Variants in STK31 observed in about 807,000 individuals in gnomAD.
The protein encoded by STK31 is serine/threonine kinase 31.
In STK31, 89 loss-of-function variants were observed where a neutral mutation model predicts 129.7. That is an observed-to-expected ratio of 0.69 (90% CI 0.58 to 0.82). The LOEUF (loss-of-function observed/expected upper bound fraction) is 0.82, where lower values mean the gene tolerates loss of function less well. Ranked by LOEUF, STK31 falls within the 40% of genes least tolerant of loss-of-function variation. STK31 has a pLI of 0.00. For synonymous variants in STK31, 448 were observed against 395.3 expected, an observed-to-expected ratio of 1.13 and a Z score of -1.58; for missense variants, 1,187 against 1,176.4, an observed-to-expected ratio of 1.01 and a Z score of -0.13.
rs1399398439 is a variant in STK31 at position 23,771,095 on chromosome 7, G to A, written c.1804G>A (p.Val602Ile). The stretch of plus-strand genomic sequence containing the variant: ...TTCAGAGGAAAGGCTCATTGCCACA[G>A]TACAAGCTAAGTACAAGGACAGTAT... The part of the protein sequence containing the change: ...IHSEERLIAT[V>I]QAKYKDSIEF... The change falls in exon 14 of 24, where the codon GTA (valine) becomes ATA (isoleucine). Residue 602 changes from valine (V) to isoleucine (I), a missense_variant. By Grantham distance (29) the Val-to-Ile change is conservative (BLOSUM62 3). Coordinates refer to ENST00000355870, the MANE Select transcript of STK31 (RefSeq NM_031414.5). 2 of 1,612,404 alleles carry A rather than the reference G, an allele frequency of 1.2e-6. No homozygotes were observed. The highest frequency in any genetic ancestry group is 1.3e-5 in the African/African-American group (1 of 74,858).
intron 22 of STK31, among the ~76,000 whole-genome samples, chr7:23,803,005 T>C (rs911394922): frequency 1.3e-5 from 2 of 152,254 alleles, no homozygotes; most frequent in Non-Finnish European, 2.9e-5. Context: ...TTTGTTATTT[T>C]GGGCTTACAG....
At chr7:23,721,155 CATTATT>C (rs1562546633) in intron 4 of STK31, among the ~76,000 whole-genome samples, 1 of 152,286 alleles carries the variant, frequency 6.6e-6, no homozygotes, top group African/African-American at 2.4e-5. Flanking sequence ...GATTCTTTTA[CATTATT>C]ATTGTTACTG....
intron 10 of STK31, chr7:23,755,102 T>C (rs915487609): frequency 6.6e-6 from 1 of 152,212 alleles, no homozygotes; most frequent in Non-Finnish European, 1.5e-5. Flanking sequence ...TTGAACTAAT[T>C]TACGTTCCCA....
intron 23 of STK31, among the ~76,000 whole-genome samples, chr7:23,831,107 T>C (rs1794517621): frequency 6.6e-6 from 1 of 152,226 alleles, no homozygotes; most frequent in African/African-American, 2.4e-5. Context: ...ATTCTGTTGC[T>C]GTTGGGTAAA....
intron 8 of STK31, among the ~76,000 whole-genome samples, chr7:23,747,873 G>T (rs1788457944): frequency 1.3e-5 from 2 of 151,846 alleles, no homozygotes; most frequent in South Asian, 4.1e-4. Flanking sequence ...TATTAGCCTG[G>T]TTATAGTGTT....
intron 9 of STK31, 116 bp from the exon 10 acceptor site, chr7:23,754,199 T>G (rs1788904601): frequency 1.0e-6 from 1 of 990,062 alleles, no homozygotes; most frequent in Non-Finnish European, 1.4e-6. Flanking sequence ...AAGGTACCCC[T>G]TCAAAGCCAG....
rs7800509 is a variant in STK31 at position 23,804,013 on chromosome 7, G to C, written c.2761-11131G>C. 3.7e-3 allele frequency among the ~76,000 whole-genome samples: 558 copies of C among 152,298 alleles called. 4 individuals carry two copies. Among genetic ancestry groups the C allele is most frequent in the African/African-American group, 0.013 (539 of 41,570 alleles). On this transcript the variant is annotated intron_variant, in intron 22 of 23. Coordinates refer to ENST00000355870, the MANE Select transcript of STK31 (RefSeq NM_031414.5). ...GAAAAAGAATTGTGTTTCTGTGTGTGTTGAGGAGTACTGCTGTGAAGAAGT... is the reference window on the plus strand; with the variant it reads ...GAAAAAGAATTGTGTTTCTGTGTGTCTTGAGGAGTACTGCTGTGAAGAAGT...
chr7:23,827,402 T>A (rs6461742), intron 23 of STK31, among the ~76,000 whole-genome samples: 4 of 151,864 alleles, frequency 2.6e-5, no homozygotes, highest in Admixed American at 6.6e-5. Flanking sequence ...TTACTGAGTC[T>A]TGTGCATTCG....
At chr7:23,787,776 A>G (rs1002451356) in intron 20 of STK31, among the ~76,000 whole-genome samples, 4 of 149,822 alleles carry the variant, frequency 2.7e-5, no homozygotes, top group Non-Finnish European at 5.9e-5. Flanking sequence ...ACACACACAC[A>G]CACACAAACA....
intron 11 of STK31, among the ~76,000 whole-genome samples, chr7:23,766,913 A>G (rs990517804): frequency 1.4e-4 from 21 of 152,162 alleles, no homozygotes; most frequent in African/African-American, 4.3e-4. Context: ...AATAAATACA[A>G]TCTTTTTATC....
chr7:23,803,754 A>C (rs1228016140), intron 22 of STK31, among the ~76,000 whole-genome samples: 1 of 152,156 alleles, frequency 6.6e-6, no homozygotes, highest in African/African-American at 2.4e-5. Context: ...GCCCTTAAGT[A>C]GGCCCCGTGT....
intron 11 of STK31, among the ~76,000 whole-genome samples, chr7:23,765,018 C>T (rs1456867225): frequency 6.6e-6 from 1 of 151,570 alleles, no homozygotes; most frequent in African/African-American, 2.4e-5. Flanking sequence ...TTTTGGTTAA[C>T]ACTGCAACAT....
At chr7:23,831,420 A>T (rs1310895822) in intron 23 of STK31, among the ~76,000 whole-genome samples, 2 of 152,142 alleles carry the variant, frequency 1.3e-5, no homozygotes, top group African/African-American at 4.8e-5. Context: ...ATACAAGTAT[A>T]GTTACACCTG....
At chr7:23,813,078 C>CT (rs70956924) in intron 22 of STK31, among the ~76,000 whole-genome samples, 36,711 of 93,880 alleles carry the variant, frequency 0.39, 7,373 homozygotes, top group Admixed American at 0.44. Flanking sequence ...GCTCTCTGTT[C>CT]TTTTTTTTTT....
Position 23,741,591 on chromosome 7 carries a change from C to A in STK31, c.1017+4513C>A, listed in dbSNP as rs546107094. ...AGGGACACAGGTAACAAAGAGACTC[C>A]TTTGTTCCAGAGCAGGTGCCCCAGT... On this transcript the variant is annotated intron_variant, in intron 8 of 23. Transcript: ENST00000355870. 5.3e-5 allele frequency among the ~76,000 whole-genome samples: 8 copies of A among 152,246 alleles called. No individual in the cohort carries two copies. In the South Asian group the frequency reaches 1.7e-3, roughly 32 times the overall value.
intron 10 of STK31, among the ~76,000 whole-genome samples, chr7:23,759,817 T>C (rs1789345324): frequency 6.6e-6 from 1 of 152,204 alleles, no homozygotes; most frequent in Non-Finnish European, 1.5e-5. Flanking sequence ...TGTGGACTCT[T>C]GTAACTAAAC....
At chr7:23,733,993 T>C (rs996701195) in intron 6 of STK31, among the ~76,000 whole-genome samples, 1 of 152,180 alleles carries the variant, frequency 6.6e-6, no homozygotes, top group Non-Finnish European at 1.5e-5. Context: ...CCCTCTATAC[T>C]ACTGTGTAGT....
intron 23 of STK31, among the ~76,000 whole-genome samples, chr7:23,819,926 C>G (rs929133420): frequency 6.6e-6 from 1 of 152,114 alleles, no homozygotes; most frequent in East Asian, 1.9e-4. Flanking sequence ...AGAGTGATCA[C>G]TTAAAAACCA....
At chr7:23,786,796 G>T (rs1791310690) in intron 19 of STK31, 42 bp from the exon 20 acceptor site, 1 of 1,585,170 alleles carries the variant, frequency 6.3e-7, no homozygotes, top group East Asian at 2.2e-5. Context: ...ATATGTTGAA[G>T]AAGTTTTTAC....
Sources: gnomAD v4.1 joint callset for allele counts (sites outside exome capture counted in the v4.1 genomes callset) on GRCh38, gnomAD v4.1.1 for gene constraint, MANE v1.5 for transcripts, NCBI Gene and HGNC (gene_info 2026-07-23, HGNC 2026-07-21) for gene names.